Variants in PTBP1 observed in about 807,000 individuals in gnomAD.
PTBP1 encodes polypyrimidine tract-binding protein 1.
In PTBP1, 8 loss-of-function variants were observed where a neutral mutation model predicts 59.8. That is an observed-to-expected ratio of 0.13 (90% CI 0.08 to 0.24). The LOEUF is 0.24. PTBP1 is among the 10% of genes least tolerant of loss of function. The pLI, the probability that PTBP1 is intolerant of heterozygous loss-of-function variation, is 1.00. For missense variants in PTBP1, 686 were observed against 767.0 expected (o/e 0.89, Z 1.25); for synonymous variants, 490 against 320.7 (o/e 1.53, Z -5.64).
At chr19:798,170 G>C (rs758357455) in intron 1 of PTBP1, among the ~76,000 whole-genome samples, 2 of 152,004 alleles carry the variant, frequency 1.3e-5, no homozygotes, top group Non-Finnish European at 2.9e-5. Context: ...GCCGCCCCGA[G>C]GGTCTGTCCT....
rs988551530 is a variant in PTBP1, at chr19:805,072, G to A, written c.777G>A (p.Lys259=). 2 of 1,613,846 alleles carry A rather than the reference G, an allele frequency of 1.2e-6. No individual in the cohort carries two copies. The highest frequency in any genetic ancestry group is 4.5e-5 in the East Asian group (2 of 44,866). Residue 259 remains lysine, a synonymous_variant, in exon 8 of 15, where the codon AAG becomes AAA. Coordinates refer to ENST00000356948, the MANE Select transcript of PTBP1 (RefSeq NM_002819.5). ...GCACGCTGCGCATCGACTTTTCCAA[G>A]CTCACCAGCCTCAACGTCAAGTACA... is the stretch of plus-strand genomic sequence containing the variant. The part of the protein sequence containing the change: ...ACCTLRIDFS[K]LTSLNVKYNN...
At chr19:801,479 G>A (rs926669595) in intron 2 of PTBP1, among the ~76,000 whole-genome samples, 1 of 152,236 alleles carries the variant, frequency 6.6e-6, no homozygotes, top group African/African-American at 2.4e-5. Flanking sequence ...CAAGAGGACC[G>A]CTCAGAGGAA....
In PTBP1 at chr19:811,910, G is replaced by A. The variant is rs3200346; in HGVS notation, c.*1084G>A. The A allele has an allele frequency of 3.1e-5, 4 of 130,054 alleles. No homozygotes were observed. The South Asian group carries it at 8.2e-4, about 27-fold the overall frequency. 8.1% of individuals were successfully genotyped at this position (130,054 alleles called of 1,614,324 possible). On this transcript the variant is annotated 3_prime_UTR_variant, in exon 15 of 15. Coordinates refer to ENST00000356948, the MANE Select transcript of PTBP1 (RefSeq NM_002819.5). ...CTGCCTCTGATGCTGGGACCCGGAAGGCGGGCGCTCCTCCTGTCTTCTCTG... is the reference window on the plus strand; with the variant it reads ...CTGCCTCTGATGCTGGGACCCGGAAAGCGGGCGCTCCTCCTGTCTTCTCTG...
At chr19:805,695 C>T in intron 9 of PTBP1, 126 bp downstream of exon 9, 1 of 816,330 alleles carries the variant, frequency 1.2e-6, no homozygotes. Context: ...GGGGCCCTTC[C>T]CGGGAGAGGG....
At position 804,057 on chromosome 19, in the gene PTBP1, A is replaced by G. The variant is rs142060501; in HGVS notation, c.137A>G (p.Lys46Arg). The change falls in exon 4 of 15, where the codon AAG becomes AGG. Residue 46 changes from lysine (K) to arginine (R), a missense_variant. Lys to Arg is a conservative substitution (Grantham distance 26). Coordinates refer to ENST00000356948, the MANE Select transcript of PTBP1 (RefSeq NM_002819.5). ...ASAANGNDSK[K>R]FKGDSRSAGV... is the part of the protein sequence containing the mutation. The stretch of plus-strand genomic sequence containing the variant: ...TCAGCAAACGGAAATGACAGCAAGA[A>G]GTTCAAAGGTGACAGCCGAAGTGCA... The G allele has an allele frequency of 6.2e-7, 1 of 1,613,914 alleles. No individual in the cohort carries two copies. Among genetic ancestry groups the G allele is most frequent in the African/African-American group, 1.3e-5 (1 of 74,886 alleles).
intron 9 of PTBP1, chr19:805,859 AG>A: frequency 2.2e-6 from 1 of 448,336 alleles, no homozygotes; most frequent in Non-Finnish European, 4.1e-6. Flanking sequence ...GAGGACCGCC[AG>A]TGGTTGGAGG....
intron 1 of PTBP1, 160 bp from the exon 2 acceptor site, chr19:799,253 C>T (rs901903786): frequency 5.2e-6 from 4 of 774,766 alleles, no homozygotes; most frequent in South Asian, 1.4e-5. Context: ...CTTCCCTGCC[C>T]TTCTGAGCTT....
At chr19:807,951 G>T (rs748159973) in intron 11 of PTBP1, 49 bp downstream of exon 11, 30 of 1,512,872 alleles carry the variant, frequency 2.0e-5, no homozygotes, top group Non-Finnish European at 2.3e-5. Flanking sequence ...TAATTGAGAT[G>T]ATTTTGATGC....
chr19:806,195 C>T (rs556251288), intron 9 of PTBP1: 5 of 498,058 alleles, frequency 1.0e-5, no homozygotes, highest in Admixed American at 4.3e-5. Flanking sequence ...CGGCCCGGCC[C>T]GTGCTGTGAG....
In PTBP1 at chr19:808,075, C is replaced by G. The variant is rs1270479533; in HGVS notation, c.1153+173C>G. 22 of 680,096 alleles carry G rather than the reference C, an allele frequency of 3.2e-5. No individual in the cohort carries two copies. Among genetic ancestry groups the G allele is most frequent in the Non-Finnish European group, 5.8e-5 (22 of 381,504 alleles). 42.1% of individuals were successfully genotyped at this position (680,096 alleles called of 1,614,324 possible). On this transcript the variant is annotated intron_variant, in intron 11 of 14. Transcript: ENST00000356948. The surrounding 1 kb of genome is among the most constrained non-coding windows in gnomAD (Gnocchi z 4.7). ...TTATTTGGTCCCGTAGATACGTACG[C>G]ATGGTTTATCGCCCTGCATGCTTTT... is the stretch of plus-strand genomic sequence containing the variant.
intron 9 of PTBP1, 133 bp downstream of exon 9, chr19:805,702 A>G (rs2034533209): frequency 2.6e-6 from 2 of 773,416 alleles, no homozygotes; most frequent in Non-Finnish European, 4.5e-6. Flanking sequence ...TTCCCGGGAG[A>G]GGGGACGCCA....
chr19:809,952 G>C (rs1449021557), intron 13 of PTBP1, among the ~76,000 whole-genome samples: 1 of 152,196 alleles, frequency 6.6e-6, no homozygotes, highest in African/African-American at 2.4e-5. Context: ...CTGGCCCCAA[G>C]CATGTCAACC....
In PTBP1 at chr19:808,475, G is replaced by C. The variant is rs773824845; in HGVS notation, c.1246+23G>C. ...TGGGTAAGAGGCCGGGGCGGCCCCG[G>C]GGTGGAGGGGGCAGGGGCGGGGGCT... On this transcript the variant is annotated intron_variant, in intron 12 of 14. Transcript: ENST00000356948. The surrounding 1 kb of genome is among the most constrained non-coding windows in gnomAD (Gnocchi z 4.7). 1 of 1,573,672 alleles carries C rather than the reference G, an allele frequency of 6.4e-7. No individual in the cohort carries two copies. The highest frequency in any genetic ancestry group is 1.4e-5 in the African/African-American group (1 of 74,036).
rs1361424535 is a variant in PTBP1 at position 808,404 on chromosome 19, AAGG to A, written c.1201_1203del (p.Glu401del). 6.2e-7 allele frequency: 1 copy of A among 1,607,424 alleles called. No individual in the cohort carries two copies. The highest frequency in any genetic ancestry group is 2.2e-5 in the East Asian group (1 of 44,728). Reference sequence around the variant, plus strand: ...GCGCGTGAAGATCCTGTTCAATAAGAAGGAGAACGCCCTAGTGCAGATGGCGGA... The same window carrying A: ...GCGCGTGAAGATCCTGTTCAATAAGAAGAACGCCCTAGTGCAGATGGCGGA... On this transcript the variant is annotated inframe_deletion, in exon 12 of 15. Transcript: ENST00000356948. This position sits in a 1 kb window ranked among gnomAD's most constrained non-coding sequence, Gnocchi z 4.7.
chr19:805,855 C>T (rs1307097329), intron 9 of PTBP1: 2 of 454,410 alleles, frequency 4.4e-6, no homozygotes, highest in Non-Finnish European at 4.0e-6. Context: ...GCGCGAGGAC[C>T]GCCAGTGGTT....
At chr19:803,068 C>G (rs538002170) in intron 2 of PTBP1, among the ~76,000 whole-genome samples, 1 of 152,222 alleles carries the variant, frequency 6.6e-6, no homozygotes, top group South Asian at 2.1e-4. Context: ...GTGAGGGAGG[C>G]AGCGCTATAA....
In PTBP1 at chr19:806,405, C is replaced by T; in HGVS notation, c.971-3C>T. The stretch of plus-strand genomic sequence containing the variant: ...CCGCTCATCTCACCTCCTGCTTTTC[C>T]AGGCCTTTCCGTTCCGAACGTCCAC... On this transcript the variant is annotated splice_polypyrimidine_tract_variant and splice_region_variant and intron_variant, in intron 9 of 14. Transcript: ENST00000356948. 2 of 1,600,132 alleles carry T rather than the reference C, an allele frequency of 1.2e-6. No homozygotes were observed. Among genetic ancestry groups the T allele is most frequent in the Non-Finnish European group, 1.7e-6 (2 of 1,174,012 alleles).
In PTBP1 at chr19:807,911, T is replaced by A. The variant is rs373922582; in HGVS notation, c.1153+9T>A. On this transcript the variant is annotated intron_variant, in intron 11 of 14. Coordinates refer to ENST00000356948, the MANE Select transcript of PTBP1 (RefSeq NM_002819.5). ...CCTCTTTATTCTTTTCGGTATGTTA[T>A]CGTTCACACTTTTATTACCTTGTTT... The A allele has an allele frequency of 6.2e-7, 1 of 1,608,984 alleles. No homozygotes were observed. Among genetic ancestry groups the A allele is most frequent in the African/African-American group, 1.3e-5 (1 of 74,800 alleles).
chr19:801,859 G>C (rs555181401), intron 2 of PTBP1, among the ~76,000 whole-genome samples: 9 of 152,282 alleles, frequency 5.9e-5, no homozygotes, highest in African/African-American at 1.9e-4. Flanking sequence ...GCCCCGCCTT[G>C]TGCTCATAGG....
Sources: allele counts gnomAD v4.1 joint callset (sites outside exome capture counted in the v4.1 genomes callset), GRCh38; gene constraint gnomAD v4.1.1; non-coding constraint Gnocchi (gnomAD v3.1); transcripts MANE v1.5; gene names NCBI Gene and HGNC (gene_info 2026-07-23, HGNC 2026-07-21).